AGMO: variants seen among roughly 807,000 people sequenced by gnomAD.
The protein encoded by AGMO is glyceryl-ether monooxygenase.
AGMO carries 75 observed loss-of-function variants against 60.2 expected under a neutral mutation model. The ratio of observed to expected loss-of-function variants is 1.25; its 90% CI spans 1.03 to 1.51. The LOEUF is 1.51. AGMO is among the 40% of genes most tolerant of loss of function. The pLI is 0.00. For missense variants in AGMO, 763 were observed against 525.5 expected, an observed-to-expected ratio of 1.45 and a Z score of -4.42; for synonymous variants, 261 against 177.1, an observed-to-expected ratio of 1.47 and a Z score of -3.76.
rs1784735744 is a variant in AGMO, at chr7:15,544,914, G to GA, written c.266dup (p.Arg90GlnfsTer4). ...TATAACTGGTCAGTTCAATGCTCCT[G>GA]AAAAATAGACTGGAAGATAAAATTC... On this transcript the variant is annotated frameshift_variant, in exon 3 of 13. Coordinates refer to ENST00000342526, the MANE Select transcript of AGMO (RefSeq NM_001004320.2). LOFTEE classifies it high-confidence loss of function. 2.0e-6 allele frequency: 3 copies of GA among 1,524,918 alleles called. No homozygotes were observed. Among genetic ancestry groups the GA allele is most frequent in the Non-Finnish European group, 2.6e-6 (3 of 1,134,380 alleles). The allele number at this position is 1,524,918 out of a possible 1,614,324, so 94.5% of individuals were successfully genotyped here. A position where few individuals can be genotyped will look rare whatever the true frequency, so the allele number is the denominator to read the frequency against.
At chr7:15,281,814 G>A (rs1455502476) in intron 12 of AGMO, among the ~76,000 whole-genome samples, 3 of 152,074 alleles carry the variant, frequency 2.0e-5, no homozygotes, top group African/African-American at 7.2e-5. Context: ...TTAAATAAGT[G>A]TACACCACAA....
chr7:15,157,126 A>G, the AGMO span, among the ~76,000 whole-genome samples: 3 of 152,168 alleles, frequency 2.0e-5, no homozygotes, highest in Non-Finnish European at 2.9e-5. Context: ...TAACACTAGT[A>G]ACAAACATTT....
intron 12 of AGMO, among the ~76,000 whole-genome samples, chr7:15,266,224 T>C (rs1783427995): frequency 6.6e-6 from 1 of 152,000 alleles, no homozygotes; most frequent in African/African-American, 2.4e-5. Context: ...TATTGTTTAA[T>C]AGGGAATGTT....
Position 15,200,951 on chromosome 7 carries a change from T to C in AGMO, c.*334A>G, listed in dbSNP as rs932072441. On this transcript the variant is annotated 3_prime_UTR_variant, in exon 13 of 13. Coordinates refer to ENST00000342526, the MANE Select transcript of AGMO (RefSeq NM_001004320.2). ...CATCAAAGGAAACATTGTTTTCAAATTGATGTAAAGGCAATATTCCTTCTT... is the reference window on the plus strand; with the variant it reads ...CATCAAAGGAAACATTGTTTTCAAACTGATGTAAAGGCAATATTCCTTCTT... The C allele has an allele frequency of 2.2e-5, 4 of 183,214 alleles. No homozygotes were observed. Among genetic ancestry groups the C allele is most frequent in the Non-Finnish European group, 3.4e-5 (3 of 89,282 alleles). 11.3% of individuals were successfully genotyped at this position (183,214 alleles called of 1,614,324 possible).
At chr7:15,280,691 C>G (rs1328672142) in intron 12 of AGMO, among the ~76,000 whole-genome samples, 3 of 152,218 alleles carry the variant, frequency 2.0e-5, no homozygotes, top group African/African-American at 7.2e-5. Flanking sequence ...CACGGTCCAT[C>G]ACAGCATCTC....
the AGMO span, among the ~76,000 whole-genome samples, chr7:15,144,996 A>AT: frequency 6.6e-6 from 1 of 151,998 alleles, no homozygotes; most frequent in Non-Finnish European, 1.5e-5. Flanking sequence ...CGCTTTGCTA[A>AT]TTTTTTTATT....
intron 12 of AGMO, among the ~76,000 whole-genome samples, chr7:15,289,983 G>A (rs1245981146): frequency 4.7e-5 from 5 of 107,114 alleles, no homozygotes; most frequent in African/African-American, 1.1e-4. Flanking sequence ...ATGGAGTCTC[G>A]CTATGTTGCC....
intron 9 of AGMO, 72 bp downstream of exon 9, chr7:15,387,330 CGTAT>C: frequency 6.7e-7 from 1 of 1,495,542 alleles, no homozygotes; most frequent in Non-Finnish European, 9.1e-7. Flanking sequence ...ATGAAAACAG[CGTAT>C]GTACAGGCTG....
At chr7:15,345,111 A>T (rs1298716184) in intron 12 of AGMO, among the ~76,000 whole-genome samples, 1 of 152,184 alleles carries the variant, frequency 6.6e-6, no homozygotes, top group Non-Finnish European at 1.5e-5. Flanking sequence ...AAAACACAAA[A>T]ATGCAAATCT....
intron 10 of AGMO, among the ~76,000 whole-genome samples, chr7:15,374,345 T>C (rs148974070): frequency 0.026 from 3,999 of 152,158 alleles, 69 homozygotes; most frequent in Non-Finnish European, 0.039. Context: ...ACATAATAAA[T>C]ATATCAAAGG....
At chr7:15,173,243 T>A in the AGMO span, among the ~76,000 whole-genome samples, 1 of 152,124 alleles carries the variant, frequency 6.6e-6, no homozygotes, top group African/African-American at 2.4e-5. Flanking sequence ...TATTCACTTG[T>A]ATCACTGCAG....
chr7:15,478,832 G>C (rs1782667155), intron 3 of AGMO, among the ~76,000 whole-genome samples: 1 of 152,034 alleles, frequency 6.6e-6, no homozygotes, highest in African/African-American at 2.4e-5. Context: ...TAATGATTTG[G>C]TTTTGTATTG....
chr7:15,366,816 C>G (rs1783003542), intron 10 of AGMO, among the ~76,000 whole-genome samples: 1 of 151,934 alleles, frequency 6.6e-6, no homozygotes, highest in Non-Finnish European at 1.5e-5. Flanking sequence ...GTTTTGTAAA[C>G]TAAATTAAAA....
At chr7:15,134,847 A>G in the AGMO span, among the ~76,000 whole-genome samples, 1 of 152,170 alleles carries the variant, frequency 6.6e-6, no homozygotes, top group African/African-American at 2.4e-5. Flanking sequence ...CATACACGTA[A>G]CTGAGAGCTA....
intron 3 of AGMO, among the ~76,000 whole-genome samples, chr7:15,476,125 G>A (rs948481815): frequency 6.6e-6 from 1 of 152,040 alleles, no homozygotes; most frequent in Non-Finnish European, 1.5e-5. Flanking sequence ...TGTACAAAGT[G>A]AGAATATATT....
At chr7:15,176,397 A>C in the AGMO span, among the ~76,000 whole-genome samples, 2 of 151,894 alleles carry the variant, frequency 1.3e-5, no homozygotes, top group African/African-American at 4.8e-5. Flanking sequence ...TTCAAACTGA[A>C]TATTTAAAGA....
At chr7:15,255,603 C>T (rs1031767163) in intron 12 of AGMO, among the ~76,000 whole-genome samples, 4 of 150,636 alleles carry the variant, frequency 2.7e-5, no homozygotes, top group African/African-American at 4.9e-5. Flanking sequence ...ACACAGATGC[C>T]GGAATTCTTA....
intron 3 of AGMO, among the ~76,000 whole-genome samples, chr7:15,519,541 C>T (rs1372820916): frequency 6.6e-6 from 1 of 152,100 alleles, no homozygotes; most frequent in African/African-American, 2.4e-5. Flanking sequence ...CCAGAATTTC[C>T]TATCCAGTGA....
intron 12 of AGMO, among the ~76,000 whole-genome samples, chr7:15,246,183 C>T (rs1563052799): frequency 6.6e-6 from 1 of 151,962 alleles, no homozygotes; most frequent in African/African-American, 2.4e-5. Context: ...CACATTCCAG[C>T]GTTAGCTCTC....
Sources: allele counts gnomAD v4.1 joint callset (sites outside exome capture counted in the v4.1 genomes callset), GRCh38; gene constraint gnomAD v4.1.1; transcripts MANE v1.5; gene names NCBI Gene and HGNC (gene_info 2026-07-23, HGNC 2026-07-21).